RFC5: variants seen among roughly 807,000 people sequenced by gnomAD.
RFC5 encodes replication factor C subunit 5.
A neutral mutation model predicts 44.3 loss-of-function variants in RFC5; 26 were observed. The observed-to-expected ratio is 0.59, with a 90% CI of 0.43 to 0.81. RFC5 has a LOEUF of 0.81. Ranked by LOEUF, RFC5 falls within the 40% of genes least tolerant of loss-of-function variation. The pLI is 0.00. For missense variants in RFC5, 328 were observed against 418.6 expected, an observed-to-expected ratio of 0.78 and a Z score of 1.89; for synonymous variants, 155 against 155.2, an observed-to-expected ratio of 1.00 and a Z score of 0.01.
downstream of RFC5, chr12:118,036,353 C>T (rs532558348): frequency 3.7e-6 from 6 of 1,614,084 alleles, no homozygotes; most frequent in South Asian, 4.4e-5. Context: ...TGACCTCAGC[C>T]TTTCGCCGGT....
chr12:118,027,008 A>T lies in RFC5; in HGVS notation c.783A>T (p.Thr261=), dbSNP rs2030993912. Residue 261 remains threonine, a synonymous_variant, in exon 8 of 11, where the codon ACA becomes ACT. Coordinates refer to ENST00000454402, the MANE Select transcript of RFC5 (RefSeq NM_007370.7). ...LDWMLNQDFT[T]AYRNITELKT... ...GGATGTTGAATCAAGATTTCACCAC[A>T]GCCTACAGAAGTATCCTTTCTCATG... 1.2e-6 allele frequency: 2 copies of T among 1,612,802 alleles called. No homozygotes were observed. Among genetic ancestry groups the T allele is most frequent in the Non-Finnish European group, 1.7e-6 (2 of 1,179,968 alleles).
At chr12:118,039,416 C>T in the RFC5 span, among the ~76,000 whole-genome samples, 13 of 152,016 alleles carry the variant, frequency 8.6e-5, no homozygotes, top group South Asian at 2.1e-4. Flanking sequence ...ATGAAAAATG[C>T]GAGATGCAGG....
At chr12:118,030,387 G>T (rs5745886) in intron 10 of RFC5, among the ~76,000 whole-genome samples, 1,626 of 152,236 alleles carry the variant, frequency 0.011, 27 homozygotes, top group African/African-American at 0.036. Context: ...TGAATATGAT[G>T]ATTTTGCTAT....
chr12:118,029,011 G>A (rs1326702318), intron 9 of RFC5, among the ~76,000 whole-genome samples: 1 of 152,248 alleles, frequency 6.6e-6, no homozygotes, highest in Non-Finnish European at 1.5e-5. Context: ...TTCCTGGCTG[G>A]CCCATGCCAT....
downstream of RFC5, chr12:118,035,683 A>C (rs991514098): frequency 5.1e-6 from 1 of 194,230 alleles, no homozygotes; most frequent in African/African-American, 2.3e-5. Context: ...ACACAAAAGG[A>C]AAAAGGAGAC....
At chr12:118,035,225 C>T (rs1197411067), downstream of RFC5, 1 of 1,614,176 alleles carries the variant, frequency 6.2e-7, no homozygotes, top group Non-Finnish European at 8.5e-7. Context: ...TGTCATCTGC[C>T]ACCGTGGCAA....
downstream of RFC5, chr12:118,034,810 A>G: frequency 1.6e-6 from 1 of 620,114 alleles, no homozygotes. Flanking sequence ...TTAAATATTC[A>G]GAGAAAATGG....
chr12:118,019,056 C>A lies in RFC5; in HGVS notation c.66-16C>A, dbSNP rs1184857838. 9 of 1,571,498 alleles carry A rather than the reference C, an allele frequency of 5.7e-6. 1 individual carries two copies. In the South Asian group the frequency reaches 1.0e-4, roughly 17 times the overall value. ...GCATTTATATATGTCATAATACATA[C>A]TAAATTGTATTTCAGGGTTGAAAAA... On this transcript the variant is annotated splice_polypyrimidine_tract_variant and intron_variant, in intron 1 of 10. Transcript: ENST00000454402. The surrounding 1 kb of genome is among the most constrained non-coding windows in gnomAD (Gnocchi z 4.2).
At chr12:118,033,547 T>TA (rs35299550), downstream of RFC5, 19,448 of 130,786 alleles carry the variant, frequency 0.15, 1,936 homozygotes, top group African/African-American at 0.31. Context: ...ACACCATTGT[T>TA]AAAAAAAAAA....
chr12:118,035,364 G>A, downstream of RFC5: 1 of 1,577,544 alleles, frequency 6.3e-7, no homozygotes, highest in Non-Finnish European at 8.7e-7. Flanking sequence ...CTGGAGTGAT[G>A]GCTGCTCTCC....
intron 5 of RFC5, 60 bp from the exon 6 acceptor site, chr12:118,024,790 TG>T: frequency 6.8e-7 from 1 of 1,469,984 alleles, no homozygotes; most frequent in Non-Finnish European, 9.3e-7. Flanking sequence ...TCAAGTTTTC[TG>T]GGCTCTCTGA....
intron 4 of RFC5, 90 bp from the exon 5 acceptor site, chr12:118,022,196 C>A: frequency 2.0e-6 from 2 of 1,019,258 alleles, no homozygotes; most frequent in South Asian, 1.3e-5. Context: ...TGAGACAGGG[C>A]CCGATGGCAC....
chr12:118,025,793 AG>A lies in RFC5; in HGVS notation c.629del (p.Ser210MetfsTer8). 1 of 1,608,610 alleles carries A rather than the reference AG, an allele frequency of 6.2e-7. No homozygotes were observed. Reference protein sequence around the residue: ...DGMKALVTLSSGDMRRALNIL... With the variant: ...DGMKALVTLSXGDMRRALNIL... ...AATGAAAGCACTAGTCACTCTTTCC[AG>A]TGGAGACATGCGTAGGGCTCTGAAC... is the stretch of plus-strand genomic sequence containing the variant. On this transcript the variant is annotated frameshift_variant, in exon 7 of 11. Coordinates refer to ENST00000454402, the MANE Select transcript of RFC5 (RefSeq NM_007370.7). LOFTEE classifies it high-confidence loss of function.
At chr12:118,024,708 T>C in intron 5 of RFC5, 143 bp from the exon 6 acceptor site, 1 of 691,664 alleles carries the variant, frequency 1.4e-6, no homozygotes, top group East Asian at 2.7e-5. Flanking sequence ...ACTAAGCCAC[T>C]ACGCCCGGCC....
chr12:118,017,260 A>ACC (rs2030155347), intron 1 of RFC5, among the ~76,000 whole-genome samples: 1 of 152,230 alleles, frequency 6.6e-6, no homozygotes, highest in African/African-American at 2.4e-5. Flanking sequence ...ACTATTGGTC[A>ACC]CATTTTAAAC....
chr12:118,033,769 T>C (rs1482932422), downstream of RFC5: 2 of 165,084 alleles, frequency 1.2e-5, no homozygotes, highest in Admixed American at 1.2e-4. Flanking sequence ...TACCACTGCA[T>C]CAGAAACACA....
intron 8 of RFC5, among the ~76,000 whole-genome samples, chr12:118,027,696 A>C (rs1258977424): frequency 6.6e-6 from 1 of 151,522 alleles, no homozygotes; most frequent in African/African-American, 2.4e-5. Context: ...AGAAAGAAAG[A>C]AAAAGAAAAC....
At chr12:118,040,213 C>A in the RFC5 span, among the ~76,000 whole-genome samples, 21 of 152,176 alleles carry the variant, frequency 1.4e-4, no homozygotes, top group Admixed American at 5.9e-4. Context: ...GCTGTCAAAT[C>A]TCAGGGTGCT....
downstream of RFC5, among the ~76,000 whole-genome samples, chr12:118,037,681 AAG>A (rs1258665372): frequency 0.039 from 5,769 of 148,854 alleles, 356 homozygotes; most frequent in African/African-American, 0.14. Context: ...AAAAAAAAAA[AAG>A]AAAAGAAAAG....
Sources: allele counts gnomAD v4.1 joint callset (sites outside exome capture counted in the v4.1 genomes callset), GRCh38; gene constraint gnomAD v4.1.1; non-coding constraint Gnocchi (gnomAD v3.1); transcripts MANE v1.5; gene names NCBI Gene and HGNC (gene_info 2026-07-23, HGNC 2026-07-21).